KLHL3: variants seen among roughly 807,000 people sequenced by gnomAD.
The protein encoded by KLHL3 is kelch like family member 3.
In KLHL3, 19 loss-of-function variants were observed where a neutral mutation model predicts 70.5. The observed-to-expected ratio is 0.27, with a 90% CI of 0.19 to 0.40. The LOEUF (loss-of-function observed/expected upper bound fraction) is 0.40, where lower values mean the gene tolerates loss of function less well. Ranked by LOEUF, KLHL3 falls within the 10% of genes least tolerant of loss-of-function variation. KLHL3 has a pLI of 1.00. For synonymous variants in KLHL3, 258 were observed against 290.3 expected (o/e 0.89, Z 1.13); for missense variants, 512 against 771.1 (o/e 0.66, Z 3.98).
chr5:137,654,600 T>C (rs773051924), intron 8 of KLHL3, among the ~76,000 whole-genome samples: 28 of 152,312 alleles, frequency 1.8e-4, no homozygotes, highest in Middle Eastern at 6.8e-3. Context: ...ACAATGGTGA[T>C]GAGAGTATAG....
At chr5:137,701,169 A>G (rs796272755) in intron 3 of KLHL3, among the ~76,000 whole-genome samples, 24 of 152,160 alleles carry the variant, frequency 1.6e-4, no homozygotes, top group African/African-American at 3.9e-4. Context: ...AGTAGCTGAG[A>G]TTACAGGCAT....
At chr5:137,659,780 T>C (rs1468744853) in intron 7 of KLHL3, among the ~76,000 whole-genome samples, 1 of 152,210 alleles carries the variant, frequency 6.6e-6, no homozygotes, top group African/African-American at 2.4e-5. Flanking sequence ...TGTACTGAAT[T>C]TGAATGTAAT....
At chr5:137,678,152 G>A (rs1296844652) in intron 5 of KLHL3, among the ~76,000 whole-genome samples, 1 of 152,118 alleles carries the variant, frequency 6.6e-6, no homozygotes, top group Non-Finnish European at 1.5e-5. Context: ...ATCCTTTCTT[G>A]CCCAAAGTCA....
intron 6 of KLHL3, among the ~76,000 whole-genome samples, chr5:137,666,966 C>G (rs1035481224): frequency 6.6e-5 from 10 of 152,192 alleles, no homozygotes; most frequent in African/African-American, 2.2e-4. Flanking sequence ...GCAGAGCCAG[C>G]TCTGCTTGGT....
At chr5:137,670,986 A>G (rs1751743630) in intron 6 of KLHL3, among the ~76,000 whole-genome samples, 1 of 141,458 alleles carries the variant, frequency 7.1e-6, no homozygotes, top group Non-Finnish European at 1.5e-5. Flanking sequence ...AAAAAAAAAA[A>G]CAACAACAAA....
At chr5:137,727,532 A>G (rs1753104440) in intron 1 of KLHL3, among the ~76,000 whole-genome samples, 1 of 152,158 alleles carries the variant, frequency 6.6e-6, no homozygotes, top group South Asian at 2.1e-4. Context: ...ACTTCTTATT[A>G]CCGTAATACT....
At chr5:137,704,924 A>C (rs1335640684) in intron 3 of KLHL3, among the ~76,000 whole-genome samples, 2 of 152,222 alleles carry the variant, frequency 1.3e-5, no homozygotes, top group Non-Finnish European at 2.9e-5. Context: ...CACTTAGCCC[A>C]AAAGTGACTA....
At chr5:137,624,675 A>T (rs1051057397) in intron 14 of KLHL3, among the ~76,000 whole-genome samples, 14 of 152,218 alleles carry the variant, frequency 9.2e-5, no homozygotes, top group Admixed American at 5.2e-4. Context: ...CGTGGTATGG[A>T]TTAAAAGAGA....
intron 1 of KLHL3, among the ~76,000 whole-genome samples, chr5:137,728,871 A>G (rs1433323275): frequency 6.6e-6 from 1 of 151,850 alleles, no homozygotes; most frequent in Non-Finnish European, 1.5e-5. Flanking sequence ...AAAAATAACT[A>G]TTGGCTACCT....
At chr5:137,640,854 A>C (rs1750897651) in intron 8 of KLHL3, among the ~76,000 whole-genome samples, 1 of 152,136 alleles carries the variant, frequency 6.6e-6, no homozygotes, top group Non-Finnish European at 1.5e-5. Context: ...ATGGATTATG[A>C]CCAGCACATA....
At position 137,621,940 on chromosome 5, in the gene KLHL3, T is replaced by C. The variant is rs1182219462; in HGVS notation, c.*158A>G. 7 of 772,982 alleles carry C rather than the reference T, an allele frequency of 9.1e-6. No individual in the cohort carries two copies. The Admixed American group carries it at 1.4e-4, about 15-fold the overall frequency. 47.9% of individuals were successfully genotyped at this position (772,982 alleles called of 1,614,324 possible). Reference sequence around the variant, plus strand: ...CGGGGGTGGGTAATGGTGTCCACACTGCGATGAACAACACCAGTCTGCCAA... The same window carrying C: ...CGGGGGTGGGTAATGGTGTCCACACCGCGATGAACAACACCAGTCTGCCAA... On this transcript the variant is annotated 3_prime_UTR_variant, in exon 15 of 15. Coordinates refer to ENST00000309755, the MANE Select transcript of KLHL3 (RefSeq NM_017415.3).
At chr5:137,627,028 T>G (rs1750482952) in intron 13 of KLHL3, among the ~76,000 whole-genome samples, 1 of 152,106 alleles carries the variant, frequency 6.6e-6, no homozygotes, top group African/African-American at 2.4e-5. Flanking sequence ...TGGCCTTTTA[T>G]TCTAAAGAAA....
chr5:137,703,560 T>A (rs1311968499), intron 3 of KLHL3, among the ~76,000 whole-genome samples: 11 of 152,126 alleles, frequency 7.2e-5, no homozygotes, highest in Admixed American at 5.9e-4. Flanking sequence ...ACATTGGGAG[T>A]GAACAGCAGT....
intron 7 of KLHL3, among the ~76,000 whole-genome samples, chr5:137,659,667 C>T (rs1751426280): frequency 6.6e-6 from 1 of 152,160 alleles, no homozygotes; most frequent in Admixed American, 6.5e-5. Context: ...AGAACTTACT[C>T]AGCTTGAATT....
intron 4 of KLHL3, among the ~76,000 whole-genome samples, chr5:137,692,963 C>G (rs1752359461): frequency 6.6e-6 from 1 of 152,134 alleles, no homozygotes; most frequent in South Asian, 2.1e-4. Flanking sequence ...GGAGTGTGGC[C>G]TGGACATTAA....
chr5:137,622,961 C>T (rs1024919900), intron 14 of KLHL3, among the ~76,000 whole-genome samples: 1 of 152,232 alleles, frequency 6.6e-6, no homozygotes, highest in Admixed American at 6.5e-5. Flanking sequence ...GTGCTGGCCA[C>T]TAAGACTGTA....
intron 8 of KLHL3, among the ~76,000 whole-genome samples, chr5:137,649,534 G>C (rs1171879474): frequency 6.6e-6 from 1 of 152,158 alleles, no homozygotes; most frequent in East Asian, 1.9e-4. Flanking sequence ...CTGTATGAGA[G>C]ACCCTGGGTC....
intron 11 of KLHL3, among the ~76,000 whole-genome samples, 155 bp from the exon 12 acceptor site, chr5:137,634,320 C>A (rs560183429): frequency 6.6e-6 from 1 of 152,354 alleles, no homozygotes; most frequent in South Asian, 2.1e-4. Context: ...CTCAACCAAG[C>A]AAAGCATCCT....
intron 14 of KLHL3, among the ~76,000 whole-genome samples, chr5:137,624,762 G>C (rs575688219): frequency 9.9e-5 from 15 of 152,246 alleles, no homozygotes; most frequent in African/African-American, 3.4e-4. Flanking sequence ...CTCTATTCCA[G>C]GTTCTGGAAA....
Sources: gnomAD v4.1 joint callset for allele counts (sites outside exome capture counted in the v4.1 genomes callset) on GRCh38, gnomAD v4.1.1 for gene constraint, MANE v1.5 for transcripts, NCBI Gene and HGNC (gene_info 2026-07-23, HGNC 2026-07-21) for gene names.